Variants in PADI1 observed in about 807,000 individuals in gnomAD.
PADI1 encodes protein-arginine deiminase type-1.
Under a neutral mutation model 74.8 loss-of-function variants are expected in PADI1, and 65 were observed. The ratio of observed to expected loss-of-function variants is 0.87; its 90% CI spans 0.71 to 1.07. The LOEUF (loss-of-function observed/expected upper bound fraction) is 1.07, where lower values mean the gene tolerates loss of function less well. Among genes scored for constraint, PADI1 ranks in the 50% least tolerant of loss-of-function variants. The probability of loss-of-function intolerance (pLI) is 0.00; values close to 1 mark genes in which losing one functional copy is unlikely to be tolerated. For synonymous variants in PADI1, 371 were observed against 336.2 expected, an observed-to-expected ratio of 1.10 and a Z score of -1.13; for missense variants, 943 against 854.0, an observed-to-expected ratio of 1.10 and a Z score of -1.30.
Position 17,228,727 on chromosome 1 carries a change from A to AG in PADI1, c.759dup (p.Leu254AlafsTer51). 6.2e-7 allele frequency: 1 copy of AG among 1,614,154 alleles called. No individual in the cohort carries two copies. The highest frequency in any genetic ancestry group is 8.5e-7 in the Non-Finnish European group (1 of 1,180,018). On this transcript the variant is annotated frameshift_variant, in exon 7 of 16. Coordinates refer to ENST00000375471, the MANE Select transcript of PADI1 (RefSeq NM_013358.3). LOFTEE classifies it high-confidence loss of function. Reference sequence around the variant, plus strand: ...GAGCAGGAGATCAAGTTCTATGTGGAGGGGCTGACCTTCCCCGATGCCGAT... The same window carrying AG: ...GAGCAGGAGATCAAGTTCTATGTGGAGGGGGCTGACCTTCCCCGATGCCGAT...
chr1:17,215,854 G>A (rs953758730), intron 1 of PADI1, among the ~76,000 whole-genome samples: 4 of 152,250 alleles, frequency 2.6e-5, no homozygotes, highest in African/African-American at 9.6e-5. Context: ...GGGAGAGACT[G>A]CAATGAGCAG....
intron 1 of PADI1, among the ~76,000 whole-genome samples, chr1:17,207,443 A>C (rs1395494036): frequency 6.6e-6 from 1 of 152,184 alleles, no homozygotes; most frequent in South Asian, 2.1e-4. Flanking sequence ...ATATAACACC[A>C]GTTATAATGG....
At chr1:17,223,346 G>C in intron 2 of PADI1, 1 of 465,980 alleles carries the variant, frequency 2.1e-6, no homozygotes, top group Non-Finnish European at 3.9e-6. Flanking sequence ...CTCCTGCTGG[G>C]AGCTGCCCCA....
chr1:17,235,988 G>A (rs2072632117), intron 11 of PADI1, among the ~76,000 whole-genome samples: 1 of 152,160 alleles, frequency 6.6e-6, no homozygotes, highest in South Asian at 2.1e-4. Context: ...GAGGCCTTTG[G>A]TGGATAGATA....
Position 17,225,836 on chromosome 1 carries a change from G to T in PADI1, c.434G>T (p.Gly145Val), listed in dbSNP as rs746655728. 9 of 1,614,108 alleles carry T rather than the reference G, an allele frequency of 5.6e-6. No homozygotes were observed. The East Asian group carries it at 2.0e-4, about 36-fold the overall frequency. Residue 145 changes from glycine (G) to valine (V), a missense_variant, in exon 5 of 16, where the codon GGC becomes GTC. By Grantham distance (109) the Gly-to-Val change is moderately radical (BLOSUM62 -3). Coordinates refer to ENST00000375471, the MANE Select transcript of PADI1 (RefSeq NM_013358.3). The part of the protein sequence containing the change: ...DKKTWRWGPE[G>V]YGAILLVNCD... Reference sequence around the variant, plus strand: ...AAAACCTGGCGCTGGGGCCCTGAGGGCTATGGGGCTATCTTGCTGGTGAAC... The same window carrying T: ...AAAACCTGGCGCTGGGGCCCTGAGGTCTATGGGGCTATCTTGCTGGTGAAC...
intron 12 of PADI1, 133 bp downstream of exon 12, chr1:17,237,591 T>A: frequency 1.2e-6 from 1 of 801,118 alleles, no homozygotes; most frequent in Non-Finnish European, 1.8e-6. Flanking sequence ...ATTTTCTGGG[T>A]CAGGGCACCC....
At position 17,228,614 on chromosome 1, in the gene PADI1, G is replaced by A. The variant is rs375528726; in HGVS notation, c.653-11G>A. On this transcript the variant is annotated splice_polypyrimidine_tract_variant and intron_variant, in intron 6 of 15. Coordinates refer to ENST00000375471, the MANE Select transcript of PADI1 (RefSeq NM_013358.3). ...GTCTCCTCGCTAGCCCCTGACTCTT[G>A]TTCTTCCTAGGTGGGAATTCTCTCT... 2.5e-5 allele frequency: 40 copies of A among 1,613,956 alleles called. No individual in the cohort carries two copies. Among genetic ancestry groups the A allele is most frequent in the Non-Finnish European group, 3.1e-5 (37 of 1,179,976 alleles).
chr1:17,225,094 G>A (rs558907981), intron 4 of PADI1, among the ~76,000 whole-genome samples: 12 of 152,302 alleles, frequency 7.9e-5, no homozygotes, highest in African/African-American at 2.9e-4. Flanking sequence ...CTGCAGAGTG[G>A]CATCTACCCA....
Position 17,213,740 on chromosome 1 carries a change from C to T in PADI1, c.92+8431C>T, listed in dbSNP as rs1054045154. Among the ~76,000 whole-genome samples, 16 of 152,198 alleles carry T rather than the reference C, an allele frequency of 1.1e-4. No individual in the cohort carries two copies. In the South Asian group the frequency reaches 2.1e-3, roughly 20 times the overall value. ...AGGCTCTTTCCCTGCCCCACTAGAACCCATGGAACATGCTGCCTTATGCCA... is the reference window on the plus strand; with the variant it reads ...AGGCTCTTTCCCTGCCCCACTAGAATCCATGGAACATGCTGCCTTATGCCA... On this transcript the variant is annotated intron_variant, in intron 1 of 15. Transcript: ENST00000375471.
intron 11 of PADI1, among the ~76,000 whole-genome samples, chr1:17,233,237 T>C (rs1167843195): frequency 6.6e-6 from 1 of 152,088 alleles, no homozygotes; most frequent in Non-Finnish European, 1.5e-5. Context: ...TAAACAGATA[T>C]CGGGAGGGCC....
intron 4 of PADI1, among the ~76,000 whole-genome samples, chr1:17,224,884 C>A (rs2072265166): frequency 6.6e-6 from 1 of 151,618 alleles, no homozygotes; most frequent in South Asian, 2.1e-4. Context: ...AGGCGTCACC[C>A]CACAGGAACT....
At chr1:17,223,462 C>T in intron 2 of PADI1, 159 bp from the exon 3 acceptor site, 1 of 619,542 alleles carries the variant, frequency 1.6e-6, no homozygotes, top group Non-Finnish European at 2.9e-6. Context: ...AGCTCTGAAT[C>T]CCAGCCGGGA....
At chr1:17,219,607 A>G (rs1412661988) in intron 1 of PADI1, among the ~76,000 whole-genome samples, 4 of 152,060 alleles carry the variant, frequency 2.6e-5, no homozygotes, top group African/African-American at 7.3e-5. Flanking sequence ...TAAACTGGTG[A>G]CGGCAGCCGG....
chr1:17,230,231 GA>G, intron 9 of PADI1, 23 bp downstream of exon 9: 1 of 1,607,890 alleles, frequency 6.2e-7, no homozygotes, highest in Non-Finnish European at 8.5e-7. Flanking sequence ...GGCAGCTCGG[GA>G]AGCCTGCAGC....
At chr1:17,237,195 C>T in intron 11 of PADI1, 119 bp from the exon 12 acceptor site, 1 of 1,190,672 alleles carries the variant, frequency 8.4e-7, no homozygotes, top group Non-Finnish European at 1.2e-6. Context: ...CTCTACGCCC[C>T]ACGTTTAAAG....
At chr1:17,230,738 G>C in intron 10 of PADI1, 59 bp downstream of exon 10, 1 of 946,250 alleles carries the variant, frequency 1.1e-6, no homozygotes, top group Admixed American at 2.0e-5. Flanking sequence ...AGGCGCACCA[G>C]TGAAGTCTCA....
At chr1:17,217,032 G>A (rs374927584) in intron 1 of PADI1, among the ~76,000 whole-genome samples, 116 of 132,524 alleles carry the variant, frequency 8.8e-4, no homozygotes, top group African/African-American at 3.0e-3. Context: ...GGAGGGAGGG[G>A]AGGAGAGGAG....
Position 17,212,151 on chromosome 1 carries a change from A to C in PADI1, c.92+6842A>C, listed in dbSNP as rs57731673. 2.6e-3 allele frequency among the ~76,000 whole-genome samples: 400 copies of C among 152,292 alleles called. 17 individuals carry two copies. The East Asian group carries it at 0.054, about 20-fold the overall frequency. On this transcript the variant is annotated intron_variant, in intron 1 of 15. Coordinates refer to ENST00000375471, the MANE Select transcript of PADI1 (RefSeq NM_013358.3). ...AGCCTCCAGGCAGATCCCTGGCTCC[A>C]GGCAGAATCACCCACGGAGCTGGTC...
At chr1:17,222,565 C>T in intron 2 of PADI1, 95 bp downstream of exon 2, 1 of 944,300 alleles carries the variant, frequency 1.1e-6, no homozygotes, top group Non-Finnish European at 1.7e-6. Context: ...CAAAGCTCCC[C>T]ACTTAACCAA....
Sources: gnomAD v4.1 joint callset for allele counts (sites outside exome capture counted in the v4.1 genomes callset) on GRCh38, gnomAD v4.1.1 for gene constraint, MANE v1.5 for transcripts, NCBI Gene and HGNC (gene_info 2026-07-23, HGNC 2026-07-21) for gene names.